The following VPS13B variants were observed in gnomAD, a reference collection of about 807,000 sequenced individuals.
The protein encoded by VPS13B is intermembrane lipid transfer protein VPS13B.
A neutral mutation model predicts 426.4 loss-of-function variants in VPS13B; 285 were observed. That is an observed-to-expected ratio of 0.67 (90% CI 0.61 to 0.74). The LOEUF (loss-of-function observed/expected upper bound fraction) is 0.74, where lower values mean the gene tolerates loss of function less well. Ranked by LOEUF, VPS13B falls within the 30% of genes least tolerant of loss-of-function variation. VPS13B has a pLI of 0.00. For synonymous variants in VPS13B, 1,676 were observed against 1,676.4 expected (o/e 1.00, Z 0.01); for missense variants, 4,537 against 4,782.6 (o/e 0.95, Z 1.51).
At chr8:99,813,695 A>T (rs1332452715) in intron 44 of VPS13B, among the ~76,000 whole-genome samples, 3 of 152,246 alleles carry the variant, frequency 2.0e-5, no homozygotes, top group Non-Finnish European at 4.4e-5. Context: ...GGTTTTACAG[A>T]TGTGCTCCTT....
chr8:99,661,232 C>T (rs1830211186), intron 34 of VPS13B, 122 bp from the exon 35 acceptor site: 2 of 1,231,354 alleles, frequency 1.6e-6, no homozygotes, highest in Non-Finnish European at 2.3e-6. Flanking sequence ...ACAAATGAAA[C>T]AATGAAGCTT....
chr8:99,319,985 G>A lies in VPS13B; in HGVS notation c.2824+44731G>A, dbSNP rs541790050. On this transcript the variant is annotated intron_variant, in intron 19 of 61. Coordinates refer to ENST00000357162, the MANE Select transcript of VPS13B (RefSeq NM_152564.5). ...ACTTAATAAATACGTGCTTACTCTT[G>A]TTATTTAACTCCTATATGTCACACT... 2.0e-5 allele frequency among the ~76,000 whole-genome samples: 3 copies of A among 152,154 alleles called. No homozygotes were observed. The South Asian group carries it at 6.2e-4, about 32-fold the overall frequency.
At chr8:99,105,471 C>T (rs1053966731) in intron 5 of VPS13B, among the ~76,000 whole-genome samples, 10 of 152,052 alleles carry the variant, frequency 6.6e-5, no homozygotes, top group African/African-American at 1.2e-4. Flanking sequence ...TTCTGCCTCC[C>T]GGGTTCAAGC....
intron 31 of VPS13B, among the ~76,000 whole-genome samples, chr8:99,571,741 C>G (rs562980454): frequency 1.3e-5 from 2 of 152,092 alleles, no homozygotes; most frequent in African/African-American, 4.8e-5. Context: ...GGAATTTGAG[C>G]TATTAGGCTA....
intron 32 of VPS13B, among the ~76,000 whole-genome samples, chr8:99,576,034 A>G (rs1307741388): frequency 6.6e-6 from 1 of 152,150 alleles, no homozygotes; most frequent in Non-Finnish European, 1.5e-5. Flanking sequence ...GTAGATGACA[A>G]AACTGAGGCA....
At chr8:99,358,691 T>C (rs1324919783) in intron 19 of VPS13B, among the ~76,000 whole-genome samples, 1 of 152,210 alleles carries the variant, frequency 6.6e-6, no homozygotes, top group African/African-American at 2.4e-5. Flanking sequence ...TTAGGACACA[T>C]CTGAAGAATA....
intron 56 of VPS13B, among the ~76,000 whole-genome samples, chr8:99,855,384 A>G (rs1816496663): frequency 6.6e-6 from 1 of 152,098 alleles, no homozygotes; most frequent in Non-Finnish European, 1.5e-5. Flanking sequence ...CTTGTCCCAA[A>G]AAATAAGATT....
intron 32 of VPS13B, among the ~76,000 whole-genome samples, chr8:99,577,146 C>A (rs1376791959): frequency 6.6e-6 from 1 of 152,018 alleles, no homozygotes; most frequent in Admixed American, 6.5e-5. Flanking sequence ...AATTCATGAA[C>A]AAGATTATGC....
chr8:99,464,073 T>G (rs1202384549), intron 23 of VPS13B, among the ~76,000 whole-genome samples: 1 of 133,326 alleles, frequency 7.5e-6, no homozygotes, highest in Admixed American at 7.3e-5. Context: ...TATTTATGTT[T>G]GTAGTACATC....
At chr8:99,681,533 C>G (rs1417578560) in intron 35 of VPS13B, among the ~76,000 whole-genome samples, 1 of 152,164 alleles carries the variant, frequency 6.6e-6, no homozygotes, top group African/African-American at 2.4e-5. Context: ...AAGTGAATTA[C>G]TTAAATGTCT....
intron 58 of VPS13B, 60 bp downstream of exon 58, chr8:99,862,006 C>T (rs1047635917): frequency 2.0e-6 from 3 of 1,515,794 alleles, no homozygotes; most frequent in African/African-American, 1.4e-5. Context: ...TGCAGGGTCT[C>T]CCAGGACTGG....
chr8:99,097,008 G>T (rs1008296640), intron 4 of VPS13B, among the ~76,000 whole-genome samples: 3 of 152,150 alleles, frequency 2.0e-5, no homozygotes, highest in African/African-American at 7.2e-5. Flanking sequence ...GTCTGGAGAA[G>T]ACCTATCTGC....
At chr8:99,414,729 A>T (rs367844228) in intron 21 of VPS13B, among the ~76,000 whole-genome samples, 1 of 152,096 alleles carries the variant, frequency 6.6e-6, no homozygotes, top group African/African-American at 2.4e-5. Flanking sequence ...TTTCTTTGAG[A>T]ATGTCGAATA....
intron 2 of VPS13B, among the ~76,000 whole-genome samples, chr8:99,030,222 T>G (rs865896269): frequency 1.8e-4 from 2 of 11,156 alleles, no homozygotes; most frequent in Non-Finnish European, 7.0e-4. Context: ...GTTTTTTTTG[T>G]TTTTTTTTTT....
At chr8:99,866,025 C>T (rs1376551764) in intron 58 of VPS13B, among the ~76,000 whole-genome samples, 2 of 152,214 alleles carry the variant, frequency 1.3e-5, no homozygotes, top group East Asian at 1.9e-4. Context: ...CTGTGTCCTG[C>T]GGGGTGCAGC....
intron 17 of VPS13B, among the ~76,000 whole-genome samples, chr8:99,231,738 T>C (rs1816332190): frequency 6.6e-6 from 1 of 152,150 alleles, no homozygotes; most frequent in Non-Finnish European, 1.5e-5. Context: ...AAAAAACACC[T>C]GAGGTAGCTT....
chr8:99,577,805 G>T, intron 33 of VPS13B, 172 bp downstream of exon 33: 1 of 978,108 alleles, frequency 1.0e-6, no homozygotes, highest in Non-Finnish European at 1.5e-6. Flanking sequence ...TTAGAAATTT[G>T]TTTGGTCTCT....
rs1289693177 is a variant in VPS13B, at chr8:99,042,227, C to T, written c.291+3661C>T. Reference sequence around the variant, plus strand: ...AGGAGAAATACTTGTAGTTTCACTCCAGATTAAACTTATTTTTATGTATAT... The same window carrying T: ...AGGAGAAATACTTGTAGTTTCACTCTAGATTAAACTTATTTTTATGTATAT... On this transcript the variant is annotated intron_variant, in intron 3 of 61. Coordinates refer to ENST00000357162, the MANE Select transcript of VPS13B (RefSeq NM_152564.5). Among the ~76,000 whole-genome samples, 4 of 151,992 alleles carry T rather than the reference C, an allele frequency of 2.6e-5. No individual in the cohort carries two copies. In the East Asian group the frequency reaches 7.7e-4, roughly 29 times the overall value.
At chr8:99,811,211 A>G (rs766426023) in intron 44 of VPS13B, among the ~76,000 whole-genome samples, 8 of 152,098 alleles carry the variant, frequency 5.3e-5, no homozygotes, top group Non-Finnish European at 1.0e-4. Flanking sequence ...ACCACCAGCT[A>G]AGTTTTCTTC....
Sources: gnomAD v4.1 joint callset for allele counts (sites outside exome capture counted in the v4.1 genomes callset) on GRCh38, gnomAD v4.1.1 for gene constraint, MANE v1.5 for transcripts, NCBI Gene and HGNC (gene_info 2026-07-23, HGNC 2026-07-21) for gene names.